The following LOC128125817 variants were observed in gnomAD, a reference collection of about 807,000 sequenced individuals.
the LOC128125817 span, among the ~76,000 whole-genome samples, chr1:41,593,897 C>T: frequency 2.0e-5 from 3 of 152,182 alleles, no homozygotes; most frequent in African/African-American, 7.2e-5. Flanking sequence ...CTTTCCTTGC[C>T]TTTCCCAACT....
the LOC128125817 span, among the ~76,000 whole-genome samples, chr1:41,624,934 G>C: frequency 6.6e-6 from 1 of 152,124 alleles, no homozygotes. Context: ...GGGAGGCCGA[G>C]GTGGATGGAT....
At chr1:41,595,225 A>C in the LOC128125817 span, among the ~76,000 whole-genome samples, 3,576 of 152,298 alleles carry the variant, frequency 0.023, 85 homozygotes, top group Non-Finnish European at 0.032. Context: ...GCCTTCTCCC[A>C]GTCCACCCCA....
chr1:41,615,815 CTTTTTTTTTTTTTTT>C, the LOC128125817 span, among the ~76,000 whole-genome samples: 10 of 47,026 alleles, frequency 2.1e-4, no homozygotes, highest in South Asian at 8.7e-4. Context: ...TTTGACAAGT[CTTTTTTTTTTTTTTT>C]TTTTTTTTTT....
the LOC128125817 span, among the ~76,000 whole-genome samples, chr1:41,586,560 C>T: frequency 6.0e-4 from 84 of 140,008 alleles, no homozygotes; most frequent in Admixed American, 5.8e-3. Flanking sequence ...GCCCTACCCC[C>T]GGCATCCTGC....
chr1:41,594,149 G>T, the LOC128125817 span, among the ~76,000 whole-genome samples: 1 of 152,140 alleles, frequency 6.6e-6, no homozygotes, highest in African/African-American at 2.4e-5. Context: ...CAGTTTCCAG[G>T]GTTTAGAATG....
chr1:41,586,214 G>T, the LOC128125817 span, among the ~76,000 whole-genome samples: 1 of 152,188 alleles, frequency 6.6e-6, no homozygotes, highest in African/African-American at 2.4e-5. Context: ...CCCCAAGTGT[G>T]TGCCTCCTCC....
the LOC128125817 span, among the ~76,000 whole-genome samples, chr1:41,607,477 T>C: frequency 6.2e-4 from 94 of 152,350 alleles, 2 homozygotes; most frequent in African/African-American, 2.2e-3. Context: ...ATATTATAGG[T>C]TATTTCACTT....
the LOC128125817 span, among the ~76,000 whole-genome samples, chr1:41,628,292 G>C: frequency 6.6e-6 from 1 of 152,158 alleles, no homozygotes; most frequent in Non-Finnish European, 1.5e-5. Context: ...TCTAACTCCC[G>C]TGGTGCTCCT....
At chr1:41,587,228 G>T in the LOC128125817 span, among the ~76,000 whole-genome samples, 2 of 152,150 alleles carry the variant, frequency 1.3e-5, no homozygotes, top group Non-Finnish European at 2.9e-5. Context: ...CGGATTCAAT[G>T]ACATCCCTCT....
the LOC128125817 span, among the ~76,000 whole-genome samples, chr1:41,621,958 A>T: frequency 1.3e-5 from 2 of 152,230 alleles, no homozygotes. Context: ...TCCACTTGAC[A>T]TCAGTTAGGG....
the LOC128125817 span, among the ~76,000 whole-genome samples, chr1:41,604,113 T>C: frequency 1.3e-5 from 2 of 152,188 alleles, no homozygotes; most frequent in Admixed American, 6.5e-5. Context: ...ATTTGGACAA[T>C]TGATTGGCAA....
At chr1:41,599,276 G>C in the LOC128125817 span, among the ~76,000 whole-genome samples, 1 of 152,136 alleles carries the variant, frequency 6.6e-6, no homozygotes, top group Admixed American at 6.5e-5. Flanking sequence ...ATAAATGATA[G>C]GCCTGAATAC....
the LOC128125817 span, among the ~76,000 whole-genome samples, chr1:41,613,055 C>T: frequency 1.9e-4 from 29 of 152,362 alleles, no homozygotes; most frequent in African/African-American, 7.0e-4. Flanking sequence ...AGAGGATTCC[C>T]TGGGCAGGGA....
At chr1:41,597,199 G>A in the LOC128125817 span, among the ~76,000 whole-genome samples, 24 of 152,264 alleles carry the variant, frequency 1.6e-4, no homozygotes, top group African/African-American at 5.5e-4. Flanking sequence ...GACCCGGCTG[G>A]TATTTGTCTT....
the LOC128125817 span, among the ~76,000 whole-genome samples, chr1:41,611,474 A>G: frequency 2.5e-3 from 386 of 152,330 alleles, 7 homozygotes; most frequent in South Asian, 0.041. Context: ...GAACGAGCCT[A>G]TCAGGCCGGC....
chr1:41,585,399 G>A, the LOC128125817 span: 6 of 398,456 alleles, frequency 1.5e-5, no homozygotes, highest in Non-Finnish European at 2.7e-5. Flanking sequence ...TGCACAGCCT[G>A]GGCAGCCCAG....
the LOC128125817 span, among the ~76,000 whole-genome samples, chr1:41,606,642 T>G: frequency 6.6e-6 from 1 of 151,924 alleles, no homozygotes; most frequent in Non-Finnish European, 1.5e-5. Context: ...CTTTTTTGAT[T>G]GATGAAATAA....
chr1:41,619,407 TTA>T, the LOC128125817 span, among the ~76,000 whole-genome samples: 4 of 152,232 alleles, frequency 2.6e-5, no homozygotes, highest in African/African-American at 9.6e-5. Flanking sequence ...TTACATACAC[TTA>T]TGTTTTTAAG....
the LOC128125817 span, among the ~76,000 whole-genome samples, chr1:41,625,420 C>T: frequency 1.3e-5 from 2 of 152,176 alleles, no homozygotes; most frequent in Non-Finnish European, 2.9e-5. Context: ...TCCAATAAAA[C>T]TTTACCGAAT....
Sources: gnomAD v4.1 joint callset for allele counts (sites outside exome capture counted in the v4.1 genomes callset) on GRCh38, gnomAD v4.1.1 for gene constraint, MANE v1.5 for transcripts.